FBN3: variants seen among roughly 807,000 people sequenced by gnomAD.
FBN3 encodes fibrillin 3.
Under a neutral mutation model 330.1 loss-of-function variants are expected in FBN3, and 234 were observed. The observed-to-expected ratio is 0.71, with a 90% CI of 0.64 to 0.79. The LOEUF (loss-of-function observed/expected upper bound fraction) is 0.79, where lower values mean the gene tolerates loss of function less well. FBN3 is among the 30% of genes least tolerant of loss of function. The pLI, the probability that FBN3 is intolerant of heterozygous loss-of-function variation, is 0.00. For synonymous variants in FBN3, 1,458 were observed against 1,517.3 expected (o/e 0.96, Z 0.91); for missense variants, 3,606 against 3,886.9 (o/e 0.93, Z 1.92).
At chr19:8,135,936 G>GCCCCCCCCCCC in intron 13 of FBN3, 25 bp downstream of exon 13, 2 of 668,776 alleles carry the variant, frequency 3.0e-6, no homozygotes, top group East Asian at 3.9e-5. Flanking sequence ...GGAAGCCCCT[G>GCCCCCCCCCCC]CCCACCCGCC....
intron 54 of FBN3, among the ~76,000 whole-genome samples, chr19:8,086,787 T>C (rs2081973242): frequency 6.6e-6 from 1 of 151,438 alleles, no homozygotes; most frequent in African/African-American, 2.4e-5. Flanking sequence ...TTTTTATTGT[T>C]TTTGGAGATG....
At chr19:8,115,773 C>T (rs2082692538) in intron 29 of FBN3, 133 bp from the exon 30 acceptor site, 1 of 1,028,394 alleles carries the variant, frequency 9.7e-7, no homozygotes, top group South Asian at 1.6e-5. Flanking sequence ...CTAGGACTCT[C>T]TTTCTTTTCT....
In FBN3 at chr19:8,121,089, C is replaced by T. The variant is rs1039798248; in HGVS notation, c.3211+169G>A. 2.0e-5 allele frequency among the ~76,000 whole-genome samples: 3 copies of T among 151,984 alleles called. No individual in the cohort carries two copies. Among genetic ancestry groups the T allele is most frequent in the African/African-American group, 4.8e-5 (2 of 41,360 alleles). On this transcript the variant is annotated intron_variant, in intron 25 of 63. Coordinates refer to ENST00000600128, the MANE Select transcript of FBN3 (RefSeq NM_032447.5). The surrounding 1 kb of genome is among the most constrained non-coding windows in gnomAD (Gnocchi z 4.5). The stretch of plus-strand genomic sequence containing the variant: ...AGGCCCCAGGTCTCTCTCCTAAGGA[C>T]GAGGCCTCATGGAGCCCAGACTCAC...
intron 29 of FBN3, 149 bp from the exon 30 acceptor site, chr19:8,115,789 G>T: frequency 1.1e-6 from 1 of 871,024 alleles, no homozygotes; most frequent in Non-Finnish European, 1.8e-6. Flanking sequence ...TTTCTCCAGG[G>T]GCGGGGAGCT....
Position 8,106,115 on chromosome 19 carries a change from G to A in FBN3, c.4806C>T (p.Ile1602=), listed in dbSNP as rs2082432493. 6.2e-7 allele frequency: 1 copy of A among 1,614,086 alleles called. No individual in the cohort carries two copies. Among genetic ancestry groups the A allele is most frequent in the Non-Finnish European group, 8.5e-7 (1 of 1,179,950 alleles). The change falls in exon 38 of 64, where the codon ATC becomes ATT. Residue 1602 remains isoleucine (I), a synonymous_variant. Coordinates refer to ENST00000600128, the MANE Select transcript of FBN3 (RefSeq NM_032447.5). The part of the protein sequence containing the change: ...PGYHLSEHTR[I]CEDIDECSTH... Reference sequence around the variant, plus strand: ...AAGAGAATCCATGCTCACCCTCACAGATGCGGGTGTGCTCACTGAGGTGGT... The same window carrying A: ...AAGAGAATCCATGCTCACCCTCACAAATGCGGGTGTGCTCACTGAGGTGGT...
In FBN3 at chr19:8,139,081, G is replaced by A. The variant is rs188466409; in HGVS notation, c.866-517C>T. Among the ~76,000 whole-genome samples, 223 of 151,996 alleles carry A rather than the reference G, an allele frequency of 1.5e-3. 2 individuals carry two copies. Among genetic ancestry groups the A allele is most frequent in the Non-Finnish European group, 2.9e-3 (197 of 67,972 alleles). Reference sequence around the variant, plus strand: ...AAAAAATAAAGGGCCGGGCGCAGTGGCTCACGCCTGTAATCTCAGCACTTT... The same window carrying A: ...AAAAAATAAAGGGCCGGGCGCAGTGACTCACGCCTGTAATCTCAGCACTTT... On this transcript the variant is annotated intron_variant, in intron 8 of 63. Transcript: ENST00000600128.
In FBN3 at chr19:8,096,452, A is replaced by C. The variant is rs377394974; in HGVS notation, c.5531T>G (p.Leu1844Arg). The C allele has an allele frequency of 6.2e-7, 1 of 1,613,718 alleles. No homozygotes were observed. The highest frequency in any genetic ancestry group is 1.1e-5 in the South Asian group (1 of 91,036). ...RGFQASADQT[L>R]CMDIDECDRQ... ...GAAGATAAGGGTCTCACCCATGCAC[A>C]GGGTCTGGTCTGCAGAGGCCTGGAA... Residue 1844 changes from leucine (L) to arginine (R), a missense_variant, in exon 44 of 64, where the codon CTG becomes CGG. Leu to Arg is a moderately radical substitution (Grantham distance 102). Coordinates refer to ENST00000600128, the MANE Select transcript of FBN3 (RefSeq NM_032447.5). The surrounding 1 kb of genome is among the most constrained non-coding windows in gnomAD (Gnocchi z 4.6).
At position 8,124,003 on chromosome 19, in the gene FBN3, T is replaced by C. The variant is rs1204381658; in HGVS notation, c.2737A>G (p.Arg913Gly). ...CATCGCAGGAAACATGGTTCCAATC[T>C]CACATCTGCACGGGGGACAGTCACT... ...DASGRLCVDV[R>G]LEPCFLRWDE... Residue 913 changes from arginine (R) to glycine (G), a missense_variant, in exon 23 of 64, where the codon AGA becomes GGA. By Grantham distance (125) the Arg-to-Gly change is moderately radical. Coordinates refer to ENST00000600128, the MANE Select transcript of FBN3 (RefSeq NM_032447.5). 5.6e-6 allele frequency: 9 copies of C among 1,613,096 alleles called. No homozygotes were observed. In the East Asian group the frequency reaches 2.0e-4, roughly 36 times the overall value.
chr19:8,068,055 C>T (rs532396332), intron 63 of FBN3, among the ~76,000 whole-genome samples: 30 of 150,950 alleles, frequency 2.0e-4, no homozygotes, highest in Admixed American at 1.1e-3. Flanking sequence ...AGAGTGAGAC[C>T]CTGCTCCCCA....
chr19:8,072,048 C>T lies in FBN3; in HGVS notation c.8088G>A (p.Gln2696=), dbSNP rs1172072383. The part of the protein sequence containing the change: ...RPRRSAHRDH[Q]VNLATLDSEA... ...CTGCCTAGTGCAGCACCCATGTCACCTGGTGGTCCCTGTGGGCACTGCGTC... is the reference window on the plus strand; with the variant it reads ...CTGCCTAGTGCAGCACCCATGTCACTTGGTGGTCCCTGTGGGCACTGCGTC... Residue 2696 remains glutamine, a splice_region_variant and synonymous_variant, in exon 63 of 64, where the codon CAG becomes CAA. Coordinates refer to ENST00000600128, the MANE Select transcript of FBN3 (RefSeq NM_032447.5). 6.2e-7 allele frequency: 1 copy of T among 1,611,476 alleles called. No homozygotes were observed. Among genetic ancestry groups the T allele is most frequent in the South Asian group, 1.1e-5 (1 of 91,016 alleles).
intron 22 of FBN3, among the ~76,000 whole-genome samples, chr19:8,125,647 T>C (rs548274335): frequency 6.6e-6 from 1 of 151,806 alleles, no homozygotes; most frequent in South Asian, 2.1e-4. Flanking sequence ...AAAAATTAGC[T>C]GGGCGTGGTG....
rs1459092842 is a variant in FBN3 at position 8,117,486 on chromosome 19, T to C, written c.3441A>G (p.Thr1147=). Residue 1147 remains threonine (T), a synonymous_variant, in exon 27 of 64, where the codon ACA becomes ACG. Transcript: ENST00000600128. ...QCSCHAGFQS[T]PDRQGCVDIN... is the part of the protein sequence containing the mutation. ...CACCCACGCAGCCCTGGCGGTCAGGTGTGCTCTGGAAGCCGGCATGGCAGG... is the reference window on the plus strand; with the variant it reads ...CACCCACGCAGCCCTGGCGGTCAGGCGTGCTCTGGAAGCCGGCATGGCAGG... The C allele has an allele frequency of 8.3e-6, 13 of 1,560,380 alleles. No homozygotes were observed. Among genetic ancestry groups the C allele is most frequent in the African/African-American group, 6.8e-5 (5 of 73,534 alleles).
chr19:8,067,633 T>C (rs554932743), intron 63 of FBN3, among the ~76,000 whole-genome samples: 1 of 151,938 alleles, frequency 6.6e-6, no homozygotes, highest in East Asian at 1.9e-4. Context: ...GTCTCAAAAA[T>C]ATATATATGT....
intron 61 of FBN3, among the ~76,000 whole-genome samples, chr19:8,073,900 T>C (rs2081580657): frequency 6.6e-6 from 1 of 152,152 alleles, no homozygotes; most frequent in South Asian, 2.1e-4. Flanking sequence ...TAGGCTGGTC[T>C]TGAACTCCTG....
In FBN3 at chr19:8,080,992, G is replaced by A. The variant is rs1476706140; in HGVS notation, c.7453+11C>T. Reference sequence around the variant, plus strand: ...TGGGTCACCTCCCGGTGAGGGGCAAGGGTCACTCACCGAAGCAGGCCTGGT... The same window carrying A: ...TGGGTCACCTCCCGGTGAGGGGCAAAGGTCACTCACCGAAGCAGGCCTGGT... On this transcript the variant is annotated intron_variant, in intron 59 of 63. Coordinates refer to ENST00000600128, the MANE Select transcript of FBN3 (RefSeq NM_032447.5). 6.3e-7 allele frequency: 1 copy of A among 1,577,616 alleles called. No homozygotes were observed. The highest frequency in any genetic ancestry group is 8.7e-7 in the Non-Finnish European group (1 of 1,149,462).
Position 8,110,683 on chromosome 19 carries a change from C to T in FBN3, c.4333+162G>A, listed in dbSNP as rs143369849. 6.6e-5 allele frequency among the ~76,000 whole-genome samples: 10 copies of T among 152,270 alleles called. No homozygotes were observed. In the East Asian group the frequency reaches 1.4e-3, roughly 21 times the overall value. On this transcript the variant is annotated intron_variant, in intron 34 of 63. Coordinates refer to ENST00000600128, the MANE Select transcript of FBN3 (RefSeq NM_032447.5). ...AACTTATTTAGCAGGCGAACAGGAA[C>T]GGGAAATGATGGGGACATCAGGCAA...
At chr19:8,135,528 G>A (rs779972840) in intron 13 of FBN3, among the ~76,000 whole-genome samples, 2 of 83,152 alleles carry the variant, frequency 2.4e-5, no homozygotes, top group East Asian at 6.3e-4. Context: ...CCAAAGTGCT[G>A]GGATTACAGG....
chr19:8,103,155 T>G (rs2082363245), intron 39 of FBN3, among the ~76,000 whole-genome samples: 1 of 151,156 alleles, frequency 6.6e-6, no homozygotes, highest in Admixed American at 6.6e-5. Context: ...TAATCCCAGC[T>G]ACTTGGGAGG....
rs2082602913 is a variant in FBN3, at chr19:8,112,111, G to A, written c.3839-12C>T. On this transcript the variant is annotated splice_polypyrimidine_tract_variant and intron_variant, in intron 30 of 63. Transcript: ENST00000600128. The stretch of plus-strand genomic sequence containing the variant: ...GCATTCATCCACATCTAAAGGGAGA[G>A]GAGGCACGACGCCAAGACCCAGTCA... 3 of 1,611,570 alleles carry A rather than the reference G, an allele frequency of 1.9e-6. No individual in the cohort carries two copies. The highest frequency in any genetic ancestry group is 2.5e-6 in the Non-Finnish European group (3 of 1,178,578).
Sources: gnomAD v4.1 joint callset for allele counts (sites outside exome capture counted in the v4.1 genomes callset) on GRCh38, gnomAD v4.1.1 for gene constraint, Gnocchi (gnomAD v3.1) non-coding constraint, MANE v1.5 for transcripts, NCBI Gene and HGNC (gene_info 2026-07-23, HGNC 2026-07-21) for gene names.